The following LRBA variants were observed in gnomAD, a reference collection of about 807,000 sequenced individuals.
LRBA encodes the protein lipopolysaccharide-responsive and beige-like anchor protein.
LRBA carries 176 observed loss-of-function variants against 330.0 expected under a neutral mutation model. The observed-to-expected ratio is 0.53, with a 90% confidence interval of 0.47 to 0.60. LRBA has a LOEUF of 0.60. Ranked by LOEUF, LRBA falls within the 20% of genes least tolerant of loss-of-function variation. The pLI is 0.00. For synonymous variants in LRBA, 1,230 were observed against 1,193.0 expected, an observed-to-expected ratio of 1.03 and a Z score of -0.64; for missense variants, 3,259 against 3,444.8, an observed-to-expected ratio of 0.95 and a Z score of 1.35.
rs1736939325 is a variant in LRBA, at chr4:150,350,136, G to A, written c.7218C>T (p.Ser2406=). 5 of 1,589,576 alleles carry A rather than the reference G, an allele frequency of 3.1e-6. No individual in the cohort carries two copies. Among genetic ancestry groups the A allele is most frequent in the Admixed American group, 1.8e-5 (1 of 54,926 alleles). ...NRLALESEFV[S]CQLHQWIDLI... is the part of the protein sequence containing the mutation. ...GATCAATCCATTGGTGAAGCTGGCA[G>A]GAAACAAATTCACTCTCCAGGGCCT... Residue 2406 remains serine (S), a synonymous_variant, in exon 48 of 57, where the codon TCC becomes TCT. Coordinates refer to ENST00000651943, the MANE Select transcript of LRBA (RefSeq NM_001364905.1).
chr4:150,736,563 A>T (rs971663408), intron 35 of LRBA, among the ~76,000 whole-genome samples: 1 of 152,170 alleles, frequency 6.6e-6, no homozygotes, highest in African/African-American at 2.4e-5. Context: ...TAGTAAGAAA[A>T]ATTAATGAAA....
chr4:150,512,878 A>AAT (rs1761978226), intron 40 of LRBA, among the ~76,000 whole-genome samples: 1 of 152,242 alleles, frequency 6.6e-6, no homozygotes, highest in Non-Finnish European at 1.5e-5. Context: ...AAGAATATTC[A>AAT]ATTCTGCTTT....
At chr4:150,990,351 A>G (rs1392890050) in intron 2 of LRBA, among the ~76,000 whole-genome samples, 1 of 152,214 alleles carries the variant, frequency 6.6e-6, no homozygotes, top group Non-Finnish European at 1.5e-5. Context: ...ATCATCCAGA[A>G]GAATTTAGCA....
At chr4:150,405,876 G>A (rs1371364860) in intron 47 of LRBA, among the ~76,000 whole-genome samples, 1 of 143,586 alleles carries the variant, frequency 7.0e-6, no homozygotes, top group Non-Finnish European at 1.5e-5. Flanking sequence ...GCAACATAGT[G>A]AGACCTCATC....
intron 34 of LRBA, among the ~76,000 whole-genome samples, chr4:150,790,938 G>A (rs1739813947): frequency 6.6e-6 from 1 of 152,110 alleles, no homozygotes; most frequent in Non-Finnish European, 1.5e-5. Context: ...AAGGTCATAG[G>A]TAGTAACAAT....
Position 150,674,338 on chromosome 4 carries a change from TCAAA to T in LRBA, c.5921+9209_5921+9212del, listed in dbSNP as rs200944176. 4.2e-3 allele frequency among the ~76,000 whole-genome samples: 642 copies of T among 151,302 alleles called. 3 individuals carry two copies. Among genetic ancestry groups the T allele is most frequent in the African/African-American group, 0.015 (612 of 41,192 alleles). The stretch of plus-strand genomic sequence containing the variant: ...CCCAAGTATTTCAGAATACAAAAAG[TCAAA>T]CAGTCACAGCCTTTTATTGTTCACC... On this transcript the variant is annotated intron_variant, in intron 37 of 56. Coordinates refer to ENST00000651943, the MANE Select transcript of LRBA (RefSeq NM_001364905.1).
chr4:150,364,787 A>T (rs567434137), intron 47 of LRBA, among the ~76,000 whole-genome samples: 1 of 152,066 alleles, frequency 6.6e-6, no homozygotes, highest in Non-Finnish European at 1.5e-5. Context: ...AGCTCCTAGA[A>T]GGTATAGATT....
intron 34 of LRBA, among the ~76,000 whole-genome samples, chr4:150,773,842 C>G (rs1365494443): frequency 1.3e-5 from 2 of 152,134 alleles, no homozygotes; most frequent in Non-Finnish European, 2.9e-5. Flanking sequence ...GAGTGCTCAC[C>G]TAAAACTCTA....
At chr4:150,555,755 A>AC (rs1183694834) in intron 40 of LRBA, among the ~76,000 whole-genome samples, 92 of 125,252 alleles carry the variant, frequency 7.3e-4, no homozygotes, top group South Asian at 1.8e-3. Flanking sequence ...TGTCTTATAA[A>AC]AACACACACA....
intron 47 of LRBA, among the ~76,000 whole-genome samples, chr4:150,388,650 TA>T: frequency 6.6e-6 from 1 of 152,304 alleles, no homozygotes; most frequent in East Asian, 1.9e-4. Flanking sequence ...TATAATTTTT[TA>T]AAAGCCTGTT....
intron 40 of LRBA, among the ~76,000 whole-genome samples, chr4:150,515,389 G>A (rs1178150588): frequency 1.3e-5 from 2 of 152,128 alleles, no homozygotes; most frequent in East Asian, 3.8e-4. Flanking sequence ...TAGTAAAACA[G>A]GAGTGGAAAA....
At chr4:150,354,724 GT>G (rs891007667) in intron 47 of LRBA, among the ~76,000 whole-genome samples, 2 of 151,516 alleles carry the variant, frequency 1.3e-5, no homozygotes, top group Non-Finnish European at 2.9e-5. Context: ...GCTGATATCT[GT>G]TTTTTTTAAT....
chr4:150,723,899 A>C (rs1314336930), intron 36 of LRBA, among the ~76,000 whole-genome samples: 1 of 152,232 alleles, frequency 6.6e-6, no homozygotes, highest in African/African-American at 2.4e-5. Flanking sequence ...CTAGGCTCTC[A>C]GTAAACATCA....
At chr4:150,554,397 G>C (rs1003909430) in intron 40 of LRBA, among the ~76,000 whole-genome samples, 1 of 152,170 alleles carries the variant, frequency 6.6e-6, no homozygotes, top group African/African-American at 2.4e-5. Context: ...AGAGACAAGA[G>C]TTACTAAGCC....
At chr4:150,718,184 T>A (rs1269586365) in intron 36 of LRBA, among the ~76,000 whole-genome samples, 1 of 152,000 alleles carries the variant, frequency 6.6e-6, no homozygotes, top group African/African-American at 2.4e-5. Flanking sequence ...AACCTCTCTG[T>A]AAACCAAAAG....
At chr4:150,600,196 C>G (rs1773973175) in intron 37 of LRBA, among the ~76,000 whole-genome samples, 2 of 152,016 alleles carry the variant, frequency 1.3e-5, no homozygotes, top group African/African-American at 2.4e-5. Flanking sequence ...ACAGCAGGAA[C>G]ACCTGTAAGT....
At chr4:150,530,995 T>C (rs1764000638) in intron 40 of LRBA, among the ~76,000 whole-genome samples, 2 of 152,248 alleles carry the variant, frequency 1.3e-5, no homozygotes, top group South Asian at 4.1e-4. Flanking sequence ...AATTTCCATA[T>C]GCCCCAACTC....
At chr4:150,485,207 G>A (rs1265261971) in intron 42 of LRBA, among the ~76,000 whole-genome samples, 1 of 151,856 alleles carries the variant, frequency 6.6e-6, no homozygotes, top group Non-Finnish European at 1.5e-5. Context: ...CTAAATTACT[G>A]ACATAACAGG....
intron 48 of LRBA, among the ~76,000 whole-genome samples, chr4:150,329,688 G>A (rs1733738450): frequency 6.6e-6 from 1 of 152,178 alleles, no homozygotes; most frequent in African/African-American, 2.4e-5. Flanking sequence ...CTCCCATGAA[G>A]TTTGCCCTGG....
Sources: gnomAD v4.1 joint callset for allele counts (sites outside exome capture counted in the v4.1 genomes callset) on GRCh38, gnomAD v4.1.1 for gene constraint, MANE v1.5 for transcripts, NCBI Gene and HGNC (gene_info 2026-07-23, HGNC 2026-07-21) for gene names.